The following SLC4A4 variants were observed in gnomAD, a reference collection of about 807,000 sequenced individuals.
The protein encoded by SLC4A4 is solute carrier family 4 member 4, also known as electrogenic sodium bicarbonate cotransporter 1.
Under a neutral mutation model 111.5 loss-of-function variants are expected in SLC4A4, and 27 were observed. That is an observed-to-expected ratio of 0.24 (90% CI 0.18 to 0.33). The LOEUF (loss-of-function observed/expected upper bound fraction) is 0.33, where lower values mean the gene tolerates loss of function less well. Among genes scored for constraint, SLC4A4 ranks in the 10% least tolerant of loss-of-function variants. The probability of loss-of-function intolerance (pLI) is 1.00; values close to 1 mark genes in which losing one functional copy is unlikely to be tolerated. For synonymous variants in SLC4A4, 443 were observed against 463.4 expected (o/e 0.96, Z 0.57); for missense variants, 909 against 1,315.5 (o/e 0.69, Z 4.78).
rs139943983 is a variant in SLC4A4, at chr4:71,293,716, T to A, written c.253+38317T>A. 8.9e-4 allele frequency among the ~76,000 whole-genome samples: 136 copies of A among 152,316 alleles called. 1 individual carries two copies. Among genetic ancestry groups the A allele is most frequent in the African/African-American group, 2.9e-3 (121 of 41,580 alleles). ...GTATCACATAAAAAGTCCTGCAAGGTCAATTCAGTAGTGGGGCTTCAGGTC... is the reference window on the plus strand; with the variant it reads ...GTATCACATAAAAAGTCCTGCAAGGACAATTCAGTAGTGGGGCTTCAGGTC... On this transcript the variant is annotated intron_variant, in intron 3 of 25. Transcript: ENST00000264485.
chr4:71,119,209 T>G lies in SLC4A4; in HGVS notation c.-2+26417T>G, dbSNP rs1743350820. 4.6e-5 allele frequency among the ~76,000 whole-genome samples: 7 copies of G among 152,272 alleles called. No individual in the cohort carries two copies. The South Asian group carries it at 1.5e-3, about 32-fold the overall frequency. On this transcript the variant is annotated intron_variant, in intron 2 of 26. Coordinates refer to the SLC4A4 transcript ENST00000649996. ...TGTACTTTCAACTTTGCGGTGAAAA[T>G]AAAGTTGCCCTAAAACATAGTCTAT...
chr4:71,381,500 C>A (rs1004124008), intron 6 of SLC4A4, among the ~76,000 whole-genome samples: 1 of 152,130 alleles, frequency 6.6e-6, no homozygotes. Context: ...ATTATCGTAA[C>A]CTCAGATTGG....
chr4:71,400,527 C>G (rs1009090740), intron 7 of SLC4A4, among the ~76,000 whole-genome samples: 2 of 152,118 alleles, frequency 1.3e-5, no homozygotes, highest in African/African-American at 4.8e-5. Context: ...AATTATAAGA[C>G]CAACTATTAA....
chr4:71,254,987 A>G (rs969665730), intron 2 of SLC4A4, among the ~76,000 whole-genome samples: 2 of 152,206 alleles, frequency 1.3e-5, no homozygotes, highest in African/African-American at 4.8e-5. Flanking sequence ...AAAGTAGTCT[A>G]TCTGGACAGA....
chr4:71,520,849 G>A (rs1169618223), intron 16 of SLC4A4, among the ~76,000 whole-genome samples: 1 of 151,742 alleles, frequency 6.6e-6, no homozygotes. Context: ...TTTTTTTTGG[G>A]GGGGTGGCTA....
At chr4:71,396,465 G>T (rs937121715) in intron 6 of SLC4A4, among the ~76,000 whole-genome samples, 1 of 152,182 alleles carries the variant, frequency 6.6e-6, no homozygotes, top group Non-Finnish European at 1.5e-5. Flanking sequence ...CTAATCTAAA[G>T]AATTATTTGG....
At chr4:71,541,559 T>G (rs1735065903) in intron 18 of SLC4A4, among the ~76,000 whole-genome samples, 1 of 151,842 alleles carries the variant, frequency 6.6e-6, no homozygotes, top group South Asian at 2.1e-4. Flanking sequence ...CTCCTCAGAG[T>G]TTTAGATGCA....
chr4:71,374,007 A>T (rs1732119909), intron 6 of SLC4A4, among the ~76,000 whole-genome samples: 1 of 152,212 alleles, frequency 6.6e-6, no homozygotes, highest in African/African-American at 2.4e-5. Flanking sequence ...TGTTGTGACC[A>T]TCTTTGAAGA....
chr4:71,087,261 T>A (rs1742205974), intron 1 of SLC4A4, among the ~76,000 whole-genome samples: 1 of 151,474 alleles, frequency 6.6e-6, no homozygotes, highest in African/African-American at 2.5e-5. Flanking sequence ...ATCCCCTTTA[T>A]CATTTTTTTT....
At chr4:71,371,441 G>A (rs1193719589) in intron 6 of SLC4A4, among the ~76,000 whole-genome samples, 2 of 151,410 alleles carry the variant, frequency 1.3e-5, no homozygotes, top group African/African-American at 2.4e-5. Context: ...ACGGGTTTTC[G>A]CCATGTTGGC....
At chr4:71,339,891 AT>A (rs982850779) in intron 4 of SLC4A4, among the ~76,000 whole-genome samples, 1 of 151,960 alleles carries the variant, frequency 6.6e-6, no homozygotes, top group Non-Finnish European at 1.5e-5. Flanking sequence ...CTCTTGTGAG[AT>A]TTTGTGTGAC....
chr4:71,481,679 C>A (rs1039023479), intron 14 of SLC4A4, among the ~76,000 whole-genome samples: 3 of 151,640 alleles, frequency 2.0e-5, no homozygotes, highest in Non-Finnish European at 4.4e-5. Context: ...TTTTCACACA[C>A]AAAAAATTTT....
rs138176457 is a variant in SLC4A4 at position 71,414,484 on chromosome 4, T to C, written c.807+16831T>C. Among the ~76,000 whole-genome samples, 23 of 152,362 alleles carry C rather than the reference T, an allele frequency of 1.5e-4. 1 individual carries two copies. In the East Asian group the frequency reaches 4.4e-3, roughly 29 times the overall value. On this transcript the variant is annotated intron_variant, in intron 7 of 25. Transcript: ENST00000264485. ...GTCAATCCATTAACTTTTATTTATT[T>C]ATTATTTTCAAACTATTAACTTTTA...
chr4:71,516,376 C>T (rs895983966), intron 16 of SLC4A4, among the ~76,000 whole-genome samples: 7 of 152,078 alleles, frequency 4.6e-5, no homozygotes, highest in Non-Finnish European at 8.8e-5. Flanking sequence ...GGATTACAGG[C>T]GTGAGCCACC....
chr4:71,563,679 T>C (rs1364060748), intron 23 of SLC4A4, 114 bp from the exon 24 acceptor site: 3 of 753,904 alleles, frequency 4.0e-6, no homozygotes, highest in East Asian at 2.5e-5. Context: ...ATTATAAGGC[T>C]TTTCTCCTTA....
chr4:71,212,329 C>A (rs1228415834), intron 1 of SLC4A4, among the ~76,000 whole-genome samples: 1 of 152,180 alleles, frequency 6.6e-6, no homozygotes, highest in Non-Finnish European at 1.5e-5. Flanking sequence ...AATGTAGTCA[C>A]CATCCTGTGT....
chr4:71,435,787 C>T (rs565885121), intron 7 of SLC4A4, among the ~76,000 whole-genome samples: 33 of 152,252 alleles, frequency 2.2e-4, no homozygotes, highest in East Asian at 5.8e-4. Flanking sequence ...GACATTTATG[C>T]GGCCAACAAA....
At chr4:71,377,011 G>T (rs1336876513) in intron 6 of SLC4A4, among the ~76,000 whole-genome samples, 3 of 152,148 alleles carry the variant, frequency 2.0e-5, no homozygotes, top group Non-Finnish European at 4.4e-5. Flanking sequence ...TTTTGTTTCT[G>T]AAAGTATAGT....
chr4:71,324,220 TATC>T (rs1030618160), intron 3 of SLC4A4, among the ~76,000 whole-genome samples: 2 of 151,972 alleles, frequency 1.3e-5, no homozygotes, highest in African/African-American at 4.8e-5. Flanking sequence ...AGGAAAATGG[TATC>T]ATGGAAGGTG....
Sources: allele counts gnomAD v4.1 joint callset (sites outside exome capture counted in the v4.1 genomes callset), GRCh38; gene constraint gnomAD v4.1.1; transcripts MANE v1.5; gene names NCBI Gene and HGNC (gene_info 2026-07-23, HGNC 2026-07-21).